SPAG16: variants seen among roughly 807,000 people sequenced by gnomAD.
SPAG16 encodes the protein sperm-associated antigen 16 protein.
Under a neutral mutation model 80.4 loss-of-function variants are expected in SPAG16, and 86 were observed. The ratio of observed to expected loss-of-function variants is 1.07; its 90% CI spans 0.90 to 1.28. The LOEUF (loss-of-function observed/expected upper bound fraction) is 1.28. SPAG16 is among the 50% of genes most tolerant of loss of function. The pLI, the probability that SPAG16 is intolerant of heterozygous loss-of-function variation, is 0.00. For missense variants in SPAG16, 870 were observed against 765.3 expected, an observed-to-expected ratio of 1.14 and a Z score of -1.61; for synonymous variants, 294 against 265.9, an observed-to-expected ratio of 1.11 and a Z score of -1.03.
intron 9 of SPAG16, among the ~76,000 whole-genome samples, chr2:213,417,442 A>T (rs1321150223): frequency 6.6e-6 from 1 of 152,190 alleles, no homozygotes; most frequent in Non-Finnish European, 1.5e-5. Context: ...CATGCAGGGA[A>T]CTAGACCTGT....
intron 10 of SPAG16, among the ~76,000 whole-genome samples, chr2:213,739,702 A>G (rs1053329960): frequency 9.2e-5 from 14 of 152,262 alleles, no homozygotes; most frequent in African/African-American, 3.1e-4. Flanking sequence ...CCCAGGTTCA[A>G]GTGATTCTCC....
intron 5 of SPAG16, among the ~76,000 whole-genome samples, chr2:213,322,709 A>G (rs1002741129): frequency 4.6e-5 from 7 of 152,152 alleles, no homozygotes; most frequent in East Asian, 1.9e-4. Flanking sequence ...GGTAAGTGCT[A>G]TGAAGAAAAA....
intron 15 of SPAG16, among the ~76,000 whole-genome samples, chr2:214,330,506 T>C (rs1393522691): frequency 1.3e-5 from 2 of 152,174 alleles, no homozygotes; most frequent in African/African-American, 4.8e-5. Flanking sequence ...TGGGAACACC[T>C]GTAAGAGAAT....
intron 10 of SPAG16, among the ~76,000 whole-genome samples, chr2:213,619,932 A>G (rs1243012395): frequency 1.3e-5 from 2 of 152,212 alleles, no homozygotes; most frequent in East Asian, 1.9e-4. Flanking sequence ...CAACGGATGA[A>G]TGGATAAATA....
At chr2:213,949,770 C>T (rs181936175) in intron 12 of SPAG16, among the ~76,000 whole-genome samples, 1 of 152,156 alleles carries the variant, frequency 6.6e-6, no homozygotes, top group Admixed American at 6.5e-5. Flanking sequence ...AAAATCCACA[C>T]AGAAACTATG....
At chr2:213,849,437 T>C (rs2074794804) in intron 10 of SPAG16, among the ~76,000 whole-genome samples, 1 of 152,200 alleles carries the variant, frequency 6.6e-6, no homozygotes, top group South Asian at 2.1e-4. Context: ...GTTTATTTTG[T>C]GAAAGTGCTG....
At chr2:214,018,744 C>G (rs181977937) in intron 13 of SPAG16, among the ~76,000 whole-genome samples, 1 of 152,222 alleles carries the variant, frequency 6.6e-6, no homozygotes, top group East Asian at 1.9e-4. Flanking sequence ...TATTGAGACA[C>G]CCTCTGAAAT....
rs191808138 is a variant in SPAG16, at chr2:213,342,730, G to A, written c.644+2460G>A. 1.4e-3 allele frequency among the ~76,000 whole-genome samples: 215 copies of A among 151,944 alleles called. 3 individuals are homozygous for A. The highest frequency in any genetic ancestry group is 2.8e-3 in the Non-Finnish European group (188 of 67,984). ...TAGAATTAGCTCTCCAACTGGTACT[G>A]GACTAGCTCCCCAAATGTAAGGAAC... On this transcript the variant is annotated intron_variant, in intron 6 of 15. Coordinates refer to ENST00000331683, the MANE Select transcript of SPAG16 (RefSeq NM_024532.5).
intron 15 of SPAG16, among the ~76,000 whole-genome samples, chr2:214,329,969 T>A (rs965494975): frequency 2.6e-5 from 4 of 151,904 alleles, no homozygotes; most frequent in Admixed American, 2.0e-4. Flanking sequence ...GTAGGCAATT[T>A]AAAATGAAAA....
chr2:214,345,748 C>T (rs1195269801), intron 15 of SPAG16, among the ~76,000 whole-genome samples: 1 of 152,064 alleles, frequency 6.6e-6, no homozygotes, highest in Non-Finnish European at 1.5e-5. Flanking sequence ...CTGATAACAC[C>T]ATACGTTATT....
chr2:213,572,812 C>T (rs1307069819), intron 10 of SPAG16, among the ~76,000 whole-genome samples: 1 of 152,166 alleles, frequency 6.6e-6, no homozygotes, highest in Non-Finnish European at 1.5e-5. Context: ...CAAGCCTGGG[C>T]AATGGCGGGC....
chr2:213,593,746 CTTT>C (rs541949006), intron 10 of SPAG16, among the ~76,000 whole-genome samples: 3 of 50,178 alleles, frequency 6.0e-5, no homozygotes, highest in African/African-American at 9.7e-5. Context: ...CCCACCACAT[CTTT>C]TTTTTTTTTT....
intron 10 of SPAG16, among the ~76,000 whole-genome samples, chr2:213,550,139 A>G (rs550219314): frequency 6.6e-6 from 1 of 152,000 alleles, no homozygotes; most frequent in South Asian, 2.1e-4. Context: ...TTCTAACACC[A>G]TATTTATGTT....
At chr2:214,388,716 C>A (rs1259910709) in intron 15 of SPAG16, among the ~76,000 whole-genome samples, 6 of 152,082 alleles carry the variant, frequency 3.9e-5, no homozygotes, top group African/African-American at 2.4e-5. Context: ...GGGTGGGGAA[C>A]AAAAGCATGT....
intron 15 of SPAG16, among the ~76,000 whole-genome samples, chr2:214,171,302 C>T (rs1047866509): frequency 1.3e-4 from 20 of 152,024 alleles, no homozygotes; most frequent in African/African-American, 4.8e-4. Flanking sequence ...GACTCCTTTA[C>T]ATTGAAATAG....
At chr2:213,620,753 A>C (rs956560780) in intron 10 of SPAG16, among the ~76,000 whole-genome samples, 1 of 152,192 alleles carries the variant, frequency 6.6e-6, no homozygotes, top group Non-Finnish European at 1.5e-5. Context: ...AAATACATAC[A>C]ATGATTCTAT....
chr2:214,185,423 A>G lies in SPAG16; in HGVS notation c.1720+36157A>G, dbSNP rs755864548. On this transcript the variant is annotated intron_variant, in intron 15 of 15. Transcript: ENST00000331683. ...ATACTAATTTGGACCAAAATAAGAA[A>G]CAGAATAAAATAAATTCGCATAAAT... Among the ~76,000 whole-genome samples the G allele has an allele frequency of 1.2e-4, 18 of 152,066 alleles. 1 individual carries two copies. Among genetic ancestry groups the G allele is most frequent in the Non-Finnish European group, 2.2e-4 (15 of 67,998 alleles).
chr2:214,352,582 G>GTGTGTGTGTGT (rs138247756), intron 15 of SPAG16, among the ~76,000 whole-genome samples: 1 of 66,780 alleles, frequency 1.5e-5, no homozygotes, highest in African/African-American at 3.0e-5. Context: ...GTGTATGTGT[G>GTGTGTGTGTGT]ACTATCTCCT....
chr2:213,829,079 G>C (rs893860834), intron 10 of SPAG16, among the ~76,000 whole-genome samples: 2 of 152,248 alleles, frequency 1.3e-5, no homozygotes, highest in Admixed American at 6.5e-5. Context: ...ACAATCAGCA[G>C]ATAGCAAAGC....
Sources: allele counts gnomAD v4.1 joint callset (sites outside exome capture counted in the v4.1 genomes callset), GRCh38; gene constraint gnomAD v4.1.1; transcripts MANE v1.5; gene names NCBI Gene and HGNC (gene_info 2026-07-23, HGNC 2026-07-21).